EPB41L1: variants seen among roughly 807,000 people sequenced by gnomAD.
EPB41L1 encodes the protein band 4.1-like protein 1.
Under a neutral mutation model 97.8 loss-of-function variants are expected in EPB41L1, and 29 were observed. That is an observed-to-expected ratio of 0.30 (90% CI 0.22 to 0.40). The LOEUF is 0.40. Among genes scored for constraint, EPB41L1 ranks in the 10% least tolerant of loss-of-function variants. The pLI, the probability that EPB41L1 is intolerant of heterozygous loss-of-function variation, is 1.00. For missense variants in EPB41L1, 812 were observed against 1,162.3 expected, an observed-to-expected ratio of 0.70 and a Z score of 4.38; for synonymous variants, 383 against 459.2, an observed-to-expected ratio of 0.83 and a Z score of 2.12.
intron 1 of EPB41L1, among the ~76,000 whole-genome samples, chr20:36,095,028 A>G (rs1381684675): frequency 1.3e-5 from 2 of 151,280 alleles, no homozygotes; most frequent in Non-Finnish European, 2.9e-5. Flanking sequence ...CTGGAGTGCA[A>G]TGGCATGATC....
chr20:36,181,813 C>T (rs1392852578), intron 5 of EPB41L1, among the ~76,000 whole-genome samples: 1 of 152,104 alleles, frequency 6.6e-6, no homozygotes. Flanking sequence ...TCATTAACAT[C>T]CTGCAACCCA....
At chr20:36,157,419 TC>T (rs2060353042) in intron 1 of EPB41L1, among the ~76,000 whole-genome samples, 2 of 152,320 alleles carry the variant, frequency 1.3e-5, no homozygotes, top group South Asian at 4.1e-4. Flanking sequence ...AAACTGAGGC[TC>T]AGAGAGGTTA....
At chr20:36,200,049 C>T (rs2062417063) in intron 14 of EPB41L1, among the ~76,000 whole-genome samples, 1 of 152,132 alleles carries the variant, frequency 6.6e-6, no homozygotes, top group Admixed American at 6.5e-5. Flanking sequence ...AGGAGCTCAC[C>T]CTGGAGCTAT....
intron 2 of EPB41L1, among the ~76,000 whole-genome samples, chr20:36,114,438 G>A (rs1022580131): frequency 6.6e-6 from 1 of 152,120 alleles, no homozygotes; most frequent in African/African-American, 2.4e-5. Flanking sequence ...CTGCAACCCA[G>A]GTGATAGGGG....
chr20:36,094,680 T>G (rs1041052068), intron 1 of EPB41L1, among the ~76,000 whole-genome samples: 3 of 152,068 alleles, frequency 2.0e-5, no homozygotes, highest in African/African-American at 7.2e-5. Flanking sequence ...ATTTCTGCAA[T>G]TCTTAAAAAT....
chr20:36,131,949 G>A (rs1212235524), intron 2 of EPB41L1, among the ~76,000 whole-genome samples: 1 of 152,036 alleles, frequency 6.6e-6, no homozygotes, highest in Non-Finnish European at 1.5e-5. Context: ...TTCTTTCTGG[G>A]GTGCTTTCCC....
At chr20:36,099,627 T>A (rs1601201034) in intron 1 of EPB41L1, among the ~76,000 whole-genome samples, 1 of 152,150 alleles carries the variant, frequency 6.6e-6, no homozygotes, top group East Asian at 1.9e-4. Flanking sequence ...AGGCATCCCA[T>A]GAAGTGTCGC....
At chr20:36,186,997 G>A (rs2061710832) in intron 7 of EPB41L1, among the ~76,000 whole-genome samples, 2 of 152,308 alleles carry the variant, frequency 1.3e-5, no homozygotes, top group Middle Eastern at 3.4e-3. Flanking sequence ...ATGTCTCTGT[G>A]CCGGTTTTTT....
chr20:36,155,228 C>T (rs2060243878), intron 1 of EPB41L1: 1 of 453,752 alleles, frequency 2.2e-6, no homozygotes, highest in African/African-American at 2.0e-5. Flanking sequence ...AGGCCAAGGG[C>T]TCTTTGGATT....
intron 7 of EPB41L1, 28 bp from the exon 8 acceptor site, chr20:36,187,648 T>C: frequency 6.2e-7 from 1 of 1,600,586 alleles, no homozygotes; most frequent in Non-Finnish European, 8.6e-7. Context: ...TTTCCCTTGG[T>C]CACCTGTGAT....
chr20:36,163,363 A>G (rs1418861140), intron 1 of EPB41L1, among the ~76,000 whole-genome samples: 2 of 152,092 alleles, frequency 1.3e-5, no homozygotes, highest in African/African-American at 2.4e-5. Context: ...ATCTGATTCC[A>G]TTTTCACAGT....
intron 2 of EPB41L1, among the ~76,000 whole-genome samples, chr20:36,119,518 C>T (rs1020001962): frequency 1.3e-5 from 2 of 152,118 alleles, no homozygotes; most frequent in African/African-American, 4.8e-5. Context: ...AGGAGAATCG[C>T]TTGAACCTGG....
intron 8 of EPB41L1, 37 bp downstream of exon 8, chr20:36,187,800 T>G: frequency 6.3e-7 from 1 of 1,588,330 alleles, no homozygotes; most frequent in Non-Finnish European, 8.6e-7. Context: ...AGTGTCTGGG[T>G]GGTGCCCCCA....
At chr20:36,222,518 A>C in intron 21 of EPB41L1, 124 bp downstream of exon 21, 1 of 738,932 alleles carries the variant, frequency 1.4e-6, no homozygotes, top group Non-Finnish European at 2.3e-6. Context: ...CCCTCCCCCC[A>C]TCAGCCTTCC....
intron 15 of EPB41L1, among the ~76,000 whole-genome samples, chr20:36,210,261 G>T (rs560784630): frequency 6.2e-4 from 94 of 152,250 alleles, no homozygotes; most frequent in African/African-American, 2.1e-3. Flanking sequence ...AAGCTGAATG[G>T]TTTTTCCTGA....
chr20:36,214,139 C>T (rs2063303952), intron 16 of EPB41L1, among the ~76,000 whole-genome samples: 1 of 152,040 alleles, frequency 6.6e-6, no homozygotes, highest in African/African-American at 2.4e-5. Flanking sequence ...ATAGAATTTG[C>T]CAGATAGTCT....
intron 1 of EPB41L1, among the ~76,000 whole-genome samples, chr20:36,100,221 C>T (rs886079480): frequency 6.6e-6 from 1 of 152,226 alleles, no homozygotes; most frequent in African/African-American, 2.4e-5. Flanking sequence ...TCTTCCTTTC[C>T]CCCCACACTG....
chr20:36,093,332 T>C lies in EPB41L1; in HGVS notation c.-65+1720T>C, dbSNP rs1218478057. Among the ~76,000 whole-genome samples the C allele has an allele frequency of 8.6e-5, 13 of 151,766 alleles. No homozygotes were observed. Among genetic ancestry groups the C allele is most frequent in the South Asian group, 2.1e-4 (1 of 4,818 alleles). On this transcript the variant is annotated intron_variant, in intron 1 of 19. Transcript: ENST00000202028. The surrounding 1 kb of genome is among the most constrained non-coding windows in gnomAD (Gnocchi z 5.4). ...CCTGTGGCGGGTGTGGGTGTGTGTGTGCGCGCGCGTCGCTGTGTGCGCGCC... is the reference window on the plus strand; with the variant it reads ...CCTGTGGCGGGTGTGGGTGTGTGTGCGCGCGCGCGTCGCTGTGTGCGCGCC...
chr20:36,188,230 C>T (rs2061766982), intron 8 of EPB41L1, 117 bp from the exon 9 acceptor site: 1 of 1,407,870 alleles, frequency 7.1e-7, no homozygotes, highest in Non-Finnish European at 1.0e-6. Context: ...GAGGCTCTAA[C>T]CCTGTTCCTG....
Sources: gnomAD v4.1 joint callset for allele counts (sites outside exome capture counted in the v4.1 genomes callset) on GRCh38, gnomAD v4.1.1 for gene constraint, Gnocchi (gnomAD v3.1) non-coding constraint, MANE v1.5 for transcripts, NCBI Gene and HGNC (gene_info 2026-07-23, HGNC 2026-07-21) for gene names.